The following PTPN21 variants were observed in gnomAD, a reference collection of about 807,000 sequenced individuals.
PTPN21 encodes the protein protein tyrosine phosphatase non-receptor type 21.
PTPN21 carries 77 observed loss-of-function variants against 131.8 expected under a neutral mutation model. The ratio of observed to expected loss-of-function variants is 0.58; its 90% CI spans 0.49 to 0.71. The LOEUF (loss-of-function observed/expected upper bound fraction) is 0.71, where lower values mean the gene tolerates loss of function less well. Among genes scored for constraint, PTPN21 ranks in the 30% least tolerant of loss-of-function variants. The probability of loss-of-function intolerance (pLI) is 0.00; values close to 1 mark genes in which losing one functional copy is unlikely to be tolerated. For missense variants in PTPN21, 1,552 were observed against 1,527.1 expected, an observed-to-expected ratio of 1.02 and a Z score of -0.27; for synonymous variants, 715 against 621.3, an observed-to-expected ratio of 1.15 and a Z score of -2.24.
intron 8 of PTPN21, chr14:88,499,365 C>T (rs2077973646): frequency 6.6e-6 from 1 of 152,186 alleles, no homozygotes; most frequent in Non-Finnish European, 1.5e-5. Context: ...TCTTCAAAGG[C>T]CAAACTAGTT....
chr14:88,544,363 G>C (rs1259327481), intron 2 of PTPN21, among the ~76,000 whole-genome samples: 1 of 151,994 alleles, frequency 6.6e-6, no homozygotes, highest in Non-Finnish European at 1.5e-5. Flanking sequence ...AAAAAGAAAA[G>C]AAAAGAATTC....
At chr14:88,492,176 G>A (rs1168873302) in intron 10 of PTPN21, among the ~76,000 whole-genome samples, 1 of 152,170 alleles carries the variant, frequency 6.6e-6, no homozygotes, top group African/African-American at 2.4e-5. Context: ...GAAACAAACT[G>A]AGGTAATAAT....
intron 3 of PTPN21, among the ~76,000 whole-genome samples, chr14:88,509,085 A>AATTACTGGGGTCTAT (rs2078140433): frequency 6.7e-6 from 1 of 150,370 alleles, no homozygotes; most frequent in African/African-American, 2.5e-5. Context: ...GACCAAGAGC[A>AATTACTGGGGTCTAT]TAGCCGGCTA....
intron 3 of PTPN21, among the ~76,000 whole-genome samples, chr14:88,511,591 C>T (rs926145212): frequency 2.0e-5 from 3 of 152,248 alleles, no homozygotes; most frequent in Non-Finnish European, 4.4e-5. Context: ...ATTGCTTGAA[C>T]CCAGGAGTCG....
rs1401877040 is a variant in PTPN21 at position 88,517,231 on chromosome 14, T to C, written c.211A>G (p.Lys71Glu). The C allele has an allele frequency of 1.2e-6, 2 of 1,613,960 alleles. No homozygotes were observed. Among genetic ancestry groups the C allele is most frequent in the South Asian group, 1.1e-5 (1 of 91,078 alleles). ...VTYFSLWYYN[K>E]QNQRRWVDLE... ...TCTACCCACCGGCGCTGATTTTGCT[T>C]GTTGTAGTACCAGAGGCTGAAGTAA... Residue 71 changes from lysine (K) to glutamate (E), a missense_variant, in exon 3 of 19, where the codon AAG (lysine) becomes GAG (glutamate). Coordinates refer to ENST00000556564, the MANE Select transcript of PTPN21 (RefSeq NM_007039.4).
rs1281072992 is a variant in PTPN21, at chr14:88,468,106, C to T, written c.*31G>A. The T allele has an allele frequency of 1.2e-6, 2 of 1,611,982 alleles. No individual in the cohort carries two copies. The highest frequency in any genetic ancestry group is 2.2e-5 in the South Asian group (2 of 90,932). ...TTTTTTTTAAGCTGTAAACGCTTCA[C>T]ATGACTGGCCCCGTAAGAAATTGTG... On this transcript the variant is annotated 3_prime_UTR_variant, in exon 19 of 19. Coordinates refer to ENST00000556564, the MANE Select transcript of PTPN21 (RefSeq NM_007039.4).
intron 2 of PTPN21, among the ~76,000 whole-genome samples, chr14:88,532,439 T>C (rs987198810): frequency 6.6e-6 from 1 of 152,220 alleles, no homozygotes; most frequent in Admixed American, 6.5e-5. Flanking sequence ...CTAATATCTA[T>C]ACTTACGTCA....
chr14:88,554,989 G>A lies in PTPN21; in HGVS notation c.-541C>T, dbSNP rs1595430191. ...GCGGGACGCGCGGCCGGAGCAGCGG[G>A]GCGGCCGGGCCCAGGCGTCCCTCCC... On this transcript the variant is annotated 5_prime_UTR_variant, in exon 1 of 19. Coordinates refer to ENST00000556564, the MANE Select transcript of PTPN21 (RefSeq NM_007039.4). Among the ~76,000 whole-genome samples the A allele has an allele frequency of 1.1e-5, 1 of 88,696 alleles. No homozygotes were observed. Among genetic ancestry groups the A allele is most frequent in the African/African-American group, 3.7e-5 (1 of 26,730 alleles). The allele number at this position is 88,696 out of a possible 152,430, so 58.2% of individuals were successfully genotyped here.
intron 10 of PTPN21, among the ~76,000 whole-genome samples, chr14:88,493,836 G>A (rs2077863017): frequency 6.6e-6 from 1 of 152,148 alleles, no homozygotes; most frequent in Non-Finnish European, 1.5e-5. Context: ...TTTCCTAAGG[G>A]ATCTTACAGC....
chr14:88,497,146 T>G (rs1347611478), intron 9 of PTPN21, 57 bp downstream of exon 9: 6 of 1,342,814 alleles, frequency 4.5e-6, no homozygotes, highest in Non-Finnish European at 6.4e-6. Flanking sequence ...CACGCAGAAG[T>G]AGAACTTGTT....
At chr14:88,468,838 G>C (rs1164958546) in intron 18 of PTPN21, 78 bp downstream of exon 18, 7 of 1,567,704 alleles carry the variant, frequency 4.5e-6, no homozygotes, top group Non-Finnish European at 5.3e-6. Flanking sequence ...CGCAAAAAGA[G>C]CTATTAAGTC....
intron 2 of PTPN21, among the ~76,000 whole-genome samples, chr14:88,540,816 C>T (rs1488672791): frequency 6.6e-6 from 1 of 152,104 alleles, no homozygotes; most frequent in Non-Finnish European, 1.5e-5. Context: ...GTATATGACA[C>T]CATGCCCAGC....
At position 88,466,699 on chromosome 14, in the gene PTPN21, C is replaced by T. The variant is rs1203891897; in HGVS notation, c.*1438G>A. The T allele has an allele frequency of 1.3e-5, 2 of 152,180 alleles. No individual in the cohort carries two copies. Among genetic ancestry groups the T allele is most frequent in the Admixed American group, 1.3e-4 (2 of 15,274 alleles). The allele number at this position is 152,180 out of a possible 1,614,324, so 9.4% of individuals were successfully genotyped here. On this transcript the variant is annotated 3_prime_UTR_variant, in exon 19 of 19. Transcript: ENST00000556564. ...ACTCTCCCCCTGTAACTCAGCCTGG[C>T]TCTGTCTATTGGGATGTGCCTAAAT...
intron 2 of PTPN21, among the ~76,000 whole-genome samples, chr14:88,529,048 T>C (rs1440990751): frequency 6.6e-6 from 1 of 152,198 alleles, no homozygotes; most frequent in Admixed American, 6.5e-5. Context: ...CATCCTTGTC[T>C]TGTTCCAGTT....
intron 2 of PTPN21, among the ~76,000 whole-genome samples, chr14:88,540,134 C>T (rs1480108576): frequency 6.6e-6 from 1 of 152,160 alleles, no homozygotes; most frequent in Non-Finnish European, 1.5e-5. Context: ...GATTTTTCTC[C>T]AATCCATTAT....
At chr14:88,477,604 T>G (rs1258372248) in intron 13 of PTPN21, among the ~76,000 whole-genome samples, 1 of 152,168 alleles carries the variant, frequency 6.6e-6, no homozygotes. Flanking sequence ...AAGGATGTCA[T>G]ACACTAGGCC....
intron 9 of PTPN21, 123 bp from the exon 10 acceptor site, chr14:88,496,615 A>C (rs567425240): frequency 1.4e-6 from 1 of 724,050 alleles, no homozygotes; most frequent in South Asian, 1.7e-5. Flanking sequence ...TCAGAACACT[A>C]TAAGCCTTTC....
intron 2 of PTPN21, among the ~76,000 whole-genome samples, chr14:88,525,966 A>G (rs144835031): frequency 6.6e-6 from 1 of 152,336 alleles, no homozygotes; most frequent in East Asian, 1.9e-4. Flanking sequence ...CAAATATTGT[A>G]TAATTCTGTT....
At chr14:88,493,907 C>T (rs1166163849) in intron 10 of PTPN21, among the ~76,000 whole-genome samples, 1 of 152,146 alleles carries the variant, frequency 6.6e-6, no homozygotes, top group Non-Finnish European at 1.5e-5. Context: ...TGAACAAATT[C>T]ATTAAGGCCG....
Sources: gnomAD v4.1 joint callset for allele counts (sites outside exome capture counted in the v4.1 genomes callset) on GRCh38, gnomAD v4.1.1 for gene constraint, MANE v1.5 for transcripts, NCBI Gene and HGNC (gene_info 2026-07-23, HGNC 2026-07-21) for gene names.